Variants in JADE2 observed in about 807,000 individuals in gnomAD.
The protein encoded by JADE2 is E3 ubiquitin-protein ligase Jade-2.
A neutral mutation model predicts 85.7 loss-of-function variants in JADE2; 13 were observed. The ratio of observed to expected loss-of-function variants is 0.15; its 90% CI spans 0.10 to 0.24. The LOEUF is 0.24. JADE2 is among the 10% of genes least tolerant of loss of function. JADE2 has a pLI of 1.00. For missense variants in JADE2, 846 were observed against 1,115.9 expected, an observed-to-expected ratio of 0.76 and a Z score of 3.45; for synonymous variants, 440 against 456.1, an observed-to-expected ratio of 0.96 and a Z score of 0.45.
intron 3 of JADE2, among the ~76,000 whole-genome samples, chr5:134,549,995 C>T (rs1451234387): frequency 6.6e-6 from 1 of 152,254 alleles, no homozygotes; most frequent in African/African-American, 2.4e-5. Flanking sequence ...GAGGCCTTCG[C>T]TGGCACAGGC....
chr5:134,579,607 T>TG lies in JADE2; in HGVS notation c.*291dup, dbSNP rs1764600746. ...TGGTATTGCTGGGCTCCTGGCTAGA[T>TG]GCAAGCAAGGTGGACAAGAGCTCAG... is the stretch of plus-strand genomic sequence containing the variant. On this transcript the variant is annotated 3_prime_UTR_variant, in exon 12 of 12. Transcript: ENST00000681547. This position sits in a 1 kb window ranked among gnomAD's most constrained non-coding sequence, Gnocchi z 4.6. 5.2e-6 allele frequency: 2 copies of TG among 381,180 alleles called. No individual in the cohort carries two copies. Among genetic ancestry groups the TG allele is most frequent in the Non-Finnish European group, 9.5e-6 (2 of 209,734 alleles). The allele number at this position is 381,180 out of a possible 1,614,324, so 23.6% of individuals were successfully genotyped here. A position where few individuals can be genotyped will look rare whatever the true frequency, so the allele number is the denominator to read the frequency against.
Position 134,564,339 on chromosome 5 carries a change from G to A in JADE2, c.853-155G>A, listed in dbSNP as rs1295772019. The A allele has an allele frequency of 7.3e-6, 4 of 548,176 alleles. No homozygotes were observed. The East Asian group carries it at 9.6e-5, about 13-fold the overall frequency. The allele number at this position is 548,176 out of a possible 1,614,324, so 34.0% of individuals were successfully genotyped here. On this transcript the variant is annotated intron_variant, in intron 7 of 11. Coordinates refer to ENST00000681547, the MANE Select transcript of JADE2 (RefSeq NM_001388185.1). ...GGAGGAATTCCGGCCTTTGAGCCATGCTTGTTTGGTGTCAGGAGGGACTTG... is the reference window on the plus strand; with the variant it reads ...GGAGGAATTCCGGCCTTTGAGCCATACTTGTTTGGTGTCAGGAGGGACTTG...
At chr5:134,526,668 G>C in intron 1 of JADE2, 1 of 985,508 alleles carries the variant, frequency 1.0e-6, no homozygotes, top group Non-Finnish European at 1.2e-6. Flanking sequence ...CGCGGGCGCT[G>C]CACGCGGGGG....
At chr5:134,556,427 T>TCACACAA (rs1290080556) in intron 4 of JADE2, among the ~76,000 whole-genome samples, 1 of 149,122 alleles carries the variant, frequency 6.7e-6, no homozygotes, top group Non-Finnish European at 1.5e-5. Context: ...CACACACACA[T>TCACACAA]CACACAACAC....
At chr5:134,544,907 A>G (rs1193159175) in intron 3 of JADE2, among the ~76,000 whole-genome samples, 1 of 152,198 alleles carries the variant, frequency 6.6e-6, no homozygotes, top group Non-Finnish European at 1.5e-5. Context: ...GGTGAAGGGT[A>G]AAGACAGGGG....
At position 134,525,700 on chromosome 5, in the gene JADE2, G is replaced by A. The variant is rs919292671; in HGVS notation, c.-312G>A. Reference sequence around the variant, plus strand: ...CATACACAGGGGGTTGGTGAATGGTGCCGACCGCGGCCATCGCAGTTGGAG... The same window carrying A: ...CATACACAGGGGGTTGGTGAATGGTACCGACCGCGGCCATCGCAGTTGGAG... On this transcript the variant is annotated 5_prime_UTR_variant, in exon 1 of 12. Transcript: ENST00000681547. 6.4e-5 allele frequency: 80 copies of A among 1,249,212 alleles called. No individual in the cohort carries two copies. The highest frequency in any genetic ancestry group is 8.1e-5 in the Non-Finnish European group (79 of 972,440). 77.4% of individuals were successfully genotyped at this position (1,249,212 alleles called of 1,614,324 possible).
chr5:134,524,413 T>G (rs1760686365), upstream of JADE2: 1 of 152,296 alleles, frequency 6.6e-6, no homozygotes, highest in African/African-American at 2.4e-5. Flanking sequence ...CCGAGCGTAC[T>G]GTTTGTGCAC....
chr5:134,525,589 GCCCGCCCCCACCCCACCCCCAC>G, upstream of JADE2: 1 of 190,778 alleles, frequency 5.2e-6, no homozygotes, highest in Non-Finnish European at 1.0e-5. Context: ...CGCTCCTCCT[GCCCGCCCCCACCCCACCCCCAC>G]CCCAACACAT....
At chr5:134,576,641 C>G (rs1050503246) in intron 10 of JADE2, 127 bp from the exon 11 acceptor site, 3 of 1,197,232 alleles carry the variant, frequency 2.5e-6, no homozygotes, top group Non-Finnish European at 3.5e-6. Flanking sequence ...CTAACTCCAA[C>G]CTTTTTGCTG....
At chr5:134,530,081 C>A (rs1304530449) in intron 1 of JADE2, among the ~76,000 whole-genome samples, 1 of 152,208 alleles carries the variant, frequency 6.6e-6, no homozygotes, top group Non-Finnish European at 1.5e-5. Flanking sequence ...TATACAAAAT[C>A]ATTTTTGTAA....
In JADE2 at chr5:134,579,298, T is replaced by G; in HGVS notation, c.2486T>G (p.Met829Arg). The change falls in exon 12 of 12, where the codon ATG (methionine) becomes AGG (arginine). Residue 829 changes from methionine (M) to arginine (R), a missense_variant. By Grantham distance (91) the Met-to-Arg change is moderately conservative. Around this residue, in one of 9 missense-constraint regions of JADE2, gnomAD observed 300 missense variants for 300.7 expected, o/e 1.00. Transcript: ENST00000681547. The surrounding 1 kb of genome is among the most constrained non-coding windows in gnomAD (Gnocchi z 4.6). ...GCAGGGGCAGAGGAGGTGGTCCGCA[T>G]GGGCGTACTGGCCTCCTAACTCACC... is the stretch of plus-strand genomic sequence containing the variant. ...REAGAEEVVR[M>R]GVLAS is the part of the protein sequence containing the mutation. 6.2e-7 allele frequency: 1 copy of G among 1,606,712 alleles called. No homozygotes were observed. The highest frequency in any genetic ancestry group is 8.5e-7 in the Non-Finnish European group (1 of 1,176,804).
chr5:134,558,639 A>G (rs1419794044), intron 4 of JADE2, among the ~76,000 whole-genome samples: 1 of 152,218 alleles, frequency 6.6e-6, no homozygotes, highest in Non-Finnish European at 1.5e-5. Context: ...CCCGGGTTCA[A>G]GCAATTCTTC....
intron 9 of JADE2, among the ~76,000 whole-genome samples, chr5:134,571,068 G>A (rs539695573): frequency 3.3e-4 from 51 of 152,322 alleles, no homozygotes; most frequent in Non-Finnish European, 5.9e-4. Flanking sequence ...AGGCTCTGCG[G>A]GGGAGTCTCT....
intron 9 of JADE2, among the ~76,000 whole-genome samples, chr5:134,567,732 C>G (rs1479149085): frequency 2.6e-5 from 4 of 152,218 alleles, no homozygotes; most frequent in Non-Finnish European, 4.4e-5. Context: ...CCAGCTTCCC[C>G]AATCCCCTCC....
intron 3 of JADE2, among the ~76,000 whole-genome samples, chr5:134,546,626 G>C (rs1280392151): frequency 6.6e-6 from 1 of 151,978 alleles, no homozygotes; most frequent in Non-Finnish European, 1.5e-5. Flanking sequence ...AAATTAGCTG[G>C]GCGCGGTGGC....
chr5:134,561,433 G>A (rs925624164), intron 6 of JADE2, among the ~76,000 whole-genome samples: 5 of 152,180 alleles, frequency 3.3e-5, no homozygotes, highest in Non-Finnish European at 7.3e-5. Flanking sequence ...GTTTACTGTG[G>A]GTCTTTGCTT....
chr5:134,569,034 A>G (rs906778222), intron 9 of JADE2, among the ~76,000 whole-genome samples: 2 of 152,186 alleles, frequency 1.3e-5, no homozygotes, highest in African/African-American at 4.8e-5. Flanking sequence ...TCCCAGCTCT[A>G]TACCTTCTTT....
intron 1 of JADE2, among the ~76,000 whole-genome samples, chr5:134,531,883 CTTTTTTTT>C (rs1160758941): frequency 3.6e-3 from 140 of 38,476 alleles, no homozygotes; most frequent in Admixed American, 5.3e-3. Context: ...CCGTGCCTGG[CTTTTTTTT>C]TTTTTTTTTT....
At position 134,562,169 on chromosome 5, in the gene JADE2, G is replaced by A. The variant is rs371379573; in HGVS notation, c.685-31G>A. ...GACCAGACACAGATTGGCCAGTTCC[G>A]CTGACTCATGACCACCCTGCTCTCT... On this transcript the variant is annotated intron_variant, in intron 6 of 11. Transcript: ENST00000681547. The surrounding 1 kb of genome is among the most constrained non-coding windows in gnomAD (Gnocchi z 4.6). 20 of 1,570,232 alleles carry A rather than the reference G, an allele frequency of 1.3e-5. No individual in the cohort carries two copies. Among genetic ancestry groups the A allele is most frequent in the Admixed American group, 1.8e-5 (1 of 56,698 alleles).
Sources: allele counts gnomAD v4.1 joint callset (sites outside exome capture counted in the v4.1 genomes callset), GRCh38; gene constraint gnomAD v4.1.1; regional missense constraint gnomAD v4.1.1; non-coding constraint Gnocchi (gnomAD v3.1); transcripts MANE v1.5; gene names NCBI Gene and HGNC (gene_info 2026-07-23, HGNC 2026-07-21).